GFM2: variants seen among roughly 807,000 people sequenced by gnomAD.
The protein encoded by GFM2 is GTP dependent ribosome recycling factor mitochondrial 2, also known as ribosome-releasing factor 2, mitochondrial.
In GFM2, 72 loss-of-function variants were observed where a neutral mutation model predicts 95.4. The ratio of observed to expected loss-of-function variants is 0.76; its 90% CI spans 0.62 to 0.92. The LOEUF is 0.92. Ranked by LOEUF, GFM2 falls within the 40% of genes least tolerant of loss-of-function variation. The pLI, the probability that GFM2 is intolerant of heterozygous loss-of-function variation, is 0.00. For missense variants in GFM2, 825 were observed against 924.1 expected (o/e 0.89, Z 1.39); for synonymous variants, 276 against 317.5 (o/e 0.87, Z 1.39).
intron 11 of GFM2, 101 bp downstream of exon 11, chr5:74,741,428 T>C (rs1743098214): frequency 1.6e-6 from 1 of 638,668 alleles, no homozygotes; most frequent in Non-Finnish European, 2.8e-6. Flanking sequence ...TCTAATAATA[T>C]GCAAAGTTTA....
rs150747026 is a variant in GFM2 at position 74,745,961 on chromosome 5, A to AT, written c.670-105dup. 141,054 of 1,131,688 alleles carry AT rather than the reference A, an allele frequency of 0.12. 10,386 individuals carry two copies. The highest frequency in any genetic ancestry group is 0.28 in the African/African-American group (17,713 of 64,116). 70.1% of individuals were successfully genotyped at this position (1,131,688 alleles called of 1,614,324 possible). ...TACCATTTTCCCCAAAATGTCTATT[A>AT]TCACCATTACTATAATCTGTGGCTA... On this transcript the variant is annotated intron_variant, in intron 9 of 20. Coordinates refer to ENST00000296805, the MANE Select transcript of GFM2 (RefSeq NM_032380.5).
At chr5:74,730,221 A>G (rs1561237980) in intron 17 of GFM2, 39 bp downstream of exon 17, 1 of 1,567,010 alleles carries the variant, frequency 6.4e-7, no homozygotes, top group Non-Finnish European at 8.6e-7. Context: ...GAAAGACAGA[A>G]AGAGAGAAAA....
chr5:74,752,912 C>G (rs926679569), intron 5 of GFM2, among the ~76,000 whole-genome samples: 1 of 152,038 alleles, frequency 6.6e-6, no homozygotes, highest in Non-Finnish European at 1.5e-5. Flanking sequence ...GAACAGTAGC[C>G]CTTAAGTGCC....
At chr5:74,734,451 C>G (rs1422078915) in intron 15 of GFM2, among the ~76,000 whole-genome samples, 2 of 152,018 alleles carry the variant, frequency 1.3e-5, no homozygotes, top group Non-Finnish European at 2.9e-5. Flanking sequence ...CTCCAAGGAC[C>G]AGCAACACTG....
At chr5:74,751,121 G>C (rs1743682417) in intron 6 of GFM2, among the ~76,000 whole-genome samples, 1 of 152,034 alleles carries the variant, frequency 6.6e-6, no homozygotes, top group Non-Finnish European at 1.5e-5. Context: ...TGAAGGGAGG[G>C]GGCAAAAGGG....
In GFM2 at chr5:74,725,695, T is replaced by A. The variant is rs780029934; in HGVS notation, c.1973A>T (p.His658Leu). The change falls in exon 19 of 21, where the codon CAT (histidine) becomes CTT (leucine). Residue 658 changes from histidine to leucine, a missense_variant. His to Leu is a moderately conservative substitution (Grantham distance 99). Transcript: ENST00000296805. ...VAITLHSLTI[H>L]PGTSTTMISA... ...AATCATAGTTGTGGAGGTGCCAGGA[T>A]GAATTGTCAGGGAATGTAAAGTAAT... The A allele has an allele frequency of 7.4e-6, 12 of 1,613,936 alleles. No individual in the cohort carries two copies. The South Asian group carries it at 1.2e-4, about 16-fold the overall frequency.
intron 5 of GFM2, 125 bp downstream of exon 5, chr5:74,758,724 T>C (rs893853957): frequency 8.0e-6 from 5 of 625,168 alleles, no homozygotes; most frequent in African/African-American, 5.5e-5. Flanking sequence ...TATCTTTAAA[T>C]TGTGGATTAG....
intron 17 of GFM2, among the ~76,000 whole-genome samples, chr5:74,726,661 TA>T (rs1750162370): frequency 2.6e-5 from 4 of 152,174 alleles, no homozygotes; most frequent in African/African-American, 4.8e-5. Context: ...CAGCATCTCT[TA>T]TTTGCTAAAA....
chr5:74,765,415 C>G (rs1298543715), intron 1 of GFM2, among the ~76,000 whole-genome samples: 2 of 152,100 alleles, frequency 1.3e-5, no homozygotes, highest in Non-Finnish European at 2.9e-5. Context: ...CATAGTCTCT[C>G]CCATGATGAT....
At chr5:74,754,785 G>A (rs1020583156) in intron 5 of GFM2, among the ~76,000 whole-genome samples, 1 of 152,092 alleles carries the variant, frequency 6.6e-6, no homozygotes, top group Non-Finnish European at 1.5e-5. Flanking sequence ...TCTACTGACA[G>A]CACTAGACAG....
chr5:74,752,590 A>G (rs1354860944), intron 5 of GFM2, among the ~76,000 whole-genome samples: 1 of 152,226 alleles, frequency 6.6e-6, no homozygotes. Context: ...ATAACTAACT[A>G]TAAGTTCTAA....
intron 11 of GFM2, among the ~76,000 whole-genome samples, chr5:74,740,704 T>C (rs1437960157): frequency 1.3e-5 from 2 of 152,138 alleles, no homozygotes; most frequent in Non-Finnish European, 2.9e-5. Context: ...TATGTGAAGA[T>C]AGGGTACAAT....
chr5:74,738,387 A>G lies in GFM2; in HGVS notation c.1251T>C (p.Phe417=). 1.2e-6 allele frequency: 2 copies of G among 1,613,694 alleles called. No homozygotes were observed. Among genetic ancestry groups the G allele is most frequent in the Non-Finnish European group, 1.7e-6 (2 of 1,179,678 alleles). ...TERISRLLLP[F]ADQHVEIPSL... is the part of the protein sequence containing the mutation. ...AAGGGATTTCTACATGTTGGTCAGC[A>G]AACGGCAAAAGCAGACGACTTATTC... The change falls in exon 14 of 21, where the codon TTT becomes TTC. Residue 417 remains phenylalanine, a synonymous_variant. Coordinates refer to ENST00000296805, the MANE Select transcript of GFM2 (RefSeq NM_032380.5).
chr5:74,738,712 G>T, intron 12 of GFM2, 70 bp from the exon 13 acceptor site: 2 of 1,427,584 alleles, frequency 1.4e-6, no homozygotes, highest in Non-Finnish European at 1.9e-6. Flanking sequence ...TAACCTTAAT[G>T]TCCCCAAAGA....
At chr5:74,726,216 A>C in intron 17 of GFM2, 90 bp from the exon 18 acceptor site, 12 of 822,890 alleles carry the variant, frequency 1.5e-5, no homozygotes, top group Non-Finnish European at 2.1e-5. Flanking sequence ...CAACAAGCTC[A>C]GGGTCTCATA....
chr5:74,759,405 T>C lies in GFM2; in HGVS notation c.170A>G (p.Lys57Arg). 2 of 1,526,698 alleles carry C rather than the reference T, an allele frequency of 1.3e-6. No homozygotes were observed. The highest frequency in any genetic ancestry group is 1.8e-6 in the Non-Finnish European group (2 of 1,105,464). The allele number at this position is 1,526,698 out of a possible 1,614,324, so 94.6% of individuals were successfully genotyped here. A position where few individuals can be genotyped will look rare whatever the true frequency, so the allele number is the denominator to read the frequency against. ...SLPGLIGNDI[K>R]SLHSIINPPI... ...AGGATTGATGATGGAATGAAGGGAT[T>C]TGATATCATTTCCTATTAAGCCTAA... The change falls in exon 4 of 21, where the codon AAA (lysine) becomes AGA (arginine). Residue 57 changes from lysine (K) to arginine (R), a missense_variant. Coordinates refer to ENST00000296805, the MANE Select transcript of GFM2 (RefSeq NM_032380.5).
At chr5:74,754,602 T>TAA (rs138941382) in intron 5 of GFM2, among the ~76,000 whole-genome samples, 1 of 151,984 alleles carries the variant, frequency 6.6e-6, no homozygotes, top group African/African-American at 2.4e-5. Flanking sequence ...AAGCAGCAGT[T>TAA]AAAAAAGACA....
intron 1 of GFM2, among the ~76,000 whole-genome samples, chr5:74,764,681 T>G (rs1221746939): frequency 6.6e-6 from 1 of 152,080 alleles, no homozygotes; most frequent in Non-Finnish European, 1.5e-5. Context: ...CTGTTCTTTC[T>G]GGATCTTAGC....
chr5:74,732,492 A>G (rs1269499925), intron 16 of GFM2, among the ~76,000 whole-genome samples: 8 of 150,068 alleles, frequency 5.3e-5, no homozygotes. Flanking sequence ...AGGATGCAGA[A>G]TGTAATTTAA....
Sources: gnomAD v4.1 joint callset for allele counts (sites outside exome capture counted in the v4.1 genomes callset) on GRCh38, gnomAD v4.1.1 for gene constraint, MANE v1.5 for transcripts, NCBI Gene and HGNC (gene_info 2026-07-23, HGNC 2026-07-21) for gene names.